The following RPA3 variants were observed in gnomAD, a reference collection of about 807,000 sequenced individuals.
The protein encoded by RPA3 is replication protein A3, also known as replication protein A 14 kDa subunit.
A neutral mutation model predicts 13.7 loss-of-function variants in RPA3; 24 were observed. The ratio of observed to expected loss-of-function variants is 1.75; its 90% CI spans 1.27 to 2.46. RPA3 has a LOEUF of 2.46. RPA3 is among the 30% of genes most tolerant of loss of function. The pLI, the probability that RPA3 is intolerant of heterozygous loss-of-function variation, is 0.00. For synonymous variants in RPA3, 59 were observed against 51.2 expected (o/e 1.15, Z -0.65); for missense variants, 183 against 151.0 (o/e 1.21, Z -1.11).
chr7:7,686,625 A>G (rs1179129529), intron 3 of RPA3, among the ~76,000 whole-genome samples: 1 of 152,210 alleles, frequency 6.6e-6, no homozygotes, highest in Non-Finnish European at 1.5e-5. Flanking sequence ...TAAACTTTCC[A>G]GAACCATCAT....
chr7:7,718,222 A>C, intron 1 of RPA3, among the ~76,000 whole-genome samples: 1 of 152,288 alleles, frequency 6.6e-6, no homozygotes, highest in Non-Finnish European at 1.5e-5. Flanking sequence ...TGAATGTGTT[A>C]TTTTTATCCC....
In RPA3 at chr7:7,640,749, G is replaced by A. The variant is rs1178324919; in HGVS notation, c.-331C>T. 4.1e-5 allele frequency: 11 copies of A among 266,552 alleles called. No homozygotes were observed. Among genetic ancestry groups the A allele is most frequent in the East Asian group, 9.9e-5 (1 of 10,064 alleles). The allele number at this position is 266,552 out of a possible 1,614,324, so 16.5% of individuals were successfully genotyped here. A position where few individuals can be genotyped will look rare whatever the true frequency, so the allele number is the denominator to read the frequency against. On this transcript the variant is annotated 5_prime_UTR_variant, in exon 5 of 8. Coordinates refer to ENST00000223129, the MANE Select transcript of RPA3 (RefSeq NM_002947.5). The stretch of plus-strand genomic sequence containing the variant: ...TTTCTGCGATCACAGGATTCCCGGC[G>A]GTGACTTGACCCCGGAAGTGGGGTG...
At chr7:7,682,650 C>G (rs1035965993) in intron 4 of RPA3, among the ~76,000 whole-genome samples, 28 of 152,216 alleles carry the variant, frequency 1.8e-4, no homozygotes, top group African/African-American at 6.7e-4. Flanking sequence ...ATTGCCTGTT[C>G]TTACAAAAAA....
chr7:7,694,222 T>C (rs1780250540), intron 2 of RPA3, among the ~76,000 whole-genome samples: 1 of 152,156 alleles, frequency 6.6e-6, no homozygotes, highest in African/African-American at 2.4e-5. Flanking sequence ...TTGTACTTAT[T>C]GGTAACTTTT....
At chr7:7,643,952 T>A (rs1437957339) in intron 4 of RPA3, among the ~76,000 whole-genome samples, 1 of 152,178 alleles carries the variant, frequency 6.6e-6, no homozygotes, top group Non-Finnish European at 1.5e-5. Flanking sequence ...GGACTGAAGT[T>A]GCTACTGACC....
intron 4 of RPA3, among the ~76,000 whole-genome samples, chr7:7,666,188 GTT>G (rs1779451185): frequency 1.2e-4 from 3 of 25,896 alleles, no homozygotes; most frequent in Non-Finnish European, 9.8e-5. Flanking sequence ...AGTGTTTTTT[GTT>G]TGTTTGTTTG....
chr7:7,649,936 A>G (rs1372480101), intron 4 of RPA3, among the ~76,000 whole-genome samples: 2 of 152,238 alleles, frequency 1.3e-5, no homozygotes, highest in African/African-American at 4.8e-5. Flanking sequence ...GAAAGTGGGC[A>G]TTCATCAGAC....
chr7:7,703,961 A>AGGAAGGGAAGGAG (rs1459830701), intron 2 of RPA3, among the ~76,000 whole-genome samples: 3 of 152,066 alleles, frequency 2.0e-5, no homozygotes, highest in Non-Finnish European at 2.9e-5. Flanking sequence ...GAAAGAAGGA[A>AGGAAGGGAAGGAG]GGAAGGGAAG....
intron 4 of RPA3, among the ~76,000 whole-genome samples, chr7:7,683,487 G>A (rs1248315356): frequency 6.6e-6 from 1 of 152,098 alleles, no homozygotes; most frequent in African/African-American, 2.4e-5. Context: ...TTCTTTTTTA[G>A]TTGAGCCATA....
chr7:7,661,318 C>A (rs1475589443), intron 4 of RPA3, among the ~76,000 whole-genome samples: 1 of 152,134 alleles, frequency 6.6e-6, no homozygotes, highest in Admixed American at 6.5e-5. Flanking sequence ...CTCCTTCTTT[C>A]AATTTGTCAA....
At chr7:7,642,036 CTA>C (rs1012311031) in intron 4 of RPA3, among the ~76,000 whole-genome samples, 2 of 152,154 alleles carry the variant, frequency 1.3e-5, no homozygotes, top group African/African-American at 4.8e-5. Flanking sequence ...TCAGTAAAGT[CTA>C]TTTTATATTA....
chr7:7,676,404 T>C (rs970454156), intron 4 of RPA3, among the ~76,000 whole-genome samples: 2 of 152,212 alleles, frequency 1.3e-5, no homozygotes, highest in Non-Finnish European at 2.9e-5. Context: ...CTCCAGTTAG[T>C]ATGTAGCAGA....
rs568673590 is a variant in RPA3, at chr7:7,652,780, T to A, written c.-757-11605A>T. Among the ~76,000 whole-genome samples the A allele has an allele frequency of 3.3e-5, 5 of 152,332 alleles. No individual in the cohort carries two copies. The South Asian group carries it at 8.3e-4, about 25-fold the overall frequency. On this transcript the variant is annotated intron_variant, in intron 4 of 7. Coordinates refer to ENST00000223129, the MANE Select transcript of RPA3 (RefSeq NM_002947.5). The stretch of plus-strand genomic sequence containing the variant: ...TGACTGAGTGTTAAAAGAAGTTTGT[T>A]CTTCAATGGGGAGGAAGTAGTAAGC...
At chr7:7,665,672 C>G (rs959446313) in intron 4 of RPA3, among the ~76,000 whole-genome samples, 2 of 152,100 alleles carry the variant, frequency 1.3e-5, no homozygotes, top group African/African-American at 2.4e-5. Flanking sequence ...CCTTGTCATC[C>G]CTCCTTCCTT....
intron 4 of RPA3, among the ~76,000 whole-genome samples, chr7:7,644,719 A>T (rs1243822084): frequency 6.6e-6 from 1 of 151,920 alleles, no homozygotes; most frequent in African/African-American, 2.4e-5. Context: ...CTATCCCTGA[A>T]CCACTACCTA....
chr7:7,678,430 T>C (rs1482614452), intron 4 of RPA3, among the ~76,000 whole-genome samples: 2 of 143,732 alleles, frequency 1.4e-5, no homozygotes, highest in African/African-American at 5.1e-5. Flanking sequence ...ATTTATATAT[T>C]ATTTAATATA....
intron 4 of RPA3, among the ~76,000 whole-genome samples, chr7:7,662,127 C>A (rs1785489563): frequency 6.6e-6 from 1 of 152,168 alleles, no homozygotes; most frequent in South Asian, 2.1e-4. Context: ...AAACGGCCCA[C>A]TCAAGCCTCA....
chr7:7,713,378 A>C (rs906802579), intron 2 of RPA3, among the ~76,000 whole-genome samples: 2 of 151,454 alleles, frequency 1.3e-5, no homozygotes, highest in African/African-American at 4.9e-5. Context: ...CAAACAAACA[A>C]ATCTAAGTTT....
chr7:7,672,853 T>A (rs1779640981), intron 4 of RPA3, among the ~76,000 whole-genome samples: 1 of 152,134 alleles, frequency 6.6e-6, no homozygotes, highest in Admixed American at 6.5e-5. Context: ...TAACCATCAG[T>A]AGGGGATGTT....
Sources: gnomAD v4.1 joint callset for allele counts (sites outside exome capture counted in the v4.1 genomes callset) on GRCh38, gnomAD v4.1.1 for gene constraint, MANE v1.5 for transcripts, NCBI Gene and HGNC (gene_info 2026-07-23, HGNC 2026-07-21) for gene names.